Variants in CDKAL1 observed in about 807,000 individuals in gnomAD.
The protein encoded by CDKAL1 is threonylcarbamoyladenosine tRNA methylthiotransferase.
Under a neutral mutation model 68.2 loss-of-function variants are expected in CDKAL1, and 32 were observed. That is an observed-to-expected ratio of 0.47 (90% CI 0.35 to 0.63). CDKAL1 has a LOEUF of 0.63. Ranked by LOEUF, CDKAL1 falls within the 30% of genes least tolerant of loss-of-function variation. The pLI is 0.00. For missense variants in CDKAL1, 606 were observed against 696.7 expected, an observed-to-expected ratio of 0.87 and a Z score of 1.47; for synonymous variants, 234 against 244.3, an observed-to-expected ratio of 0.96 and a Z score of 0.39.
At chr6:20,797,404 A>C (rs139094822) in intron 8 of CDKAL1, among the ~76,000 whole-genome samples, 78 of 152,370 alleles carry the variant, frequency 5.1e-4, no homozygotes, top group African/African-American at 1.9e-3. Context: ...TGGAGATGCT[A>C]AATGGTACAG....
At chr6:20,848,854 A>G (rs929598755) in intron 9 of CDKAL1, among the ~76,000 whole-genome samples, 1 of 148,912 alleles carries the variant, frequency 6.7e-6, no homozygotes, top group Non-Finnish European at 1.5e-5. Context: ...GTGTCATGGT[A>G]CAGTCAGAGC....
chr6:21,036,577 T>C (rs1325786011), intron 11 of CDKAL1, among the ~76,000 whole-genome samples: 2 of 152,198 alleles, frequency 1.3e-5, no homozygotes, highest in Non-Finnish European at 2.9e-5. Flanking sequence ...ACCATCAGCT[T>C]ACATTTTCAC....
chr6:21,057,258 A>T (rs1448340415), intron 11 of CDKAL1, among the ~76,000 whole-genome samples: 1 of 152,004 alleles, frequency 6.6e-6, no homozygotes, highest in African/African-American at 2.4e-5. Flanking sequence ...GGGAGGGTGT[A>T]TGTGTCCAGG....
At chr6:20,839,137 T>C (rs1283377385) in intron 8 of CDKAL1, among the ~76,000 whole-genome samples, 1 of 152,108 alleles carries the variant, frequency 6.6e-6, no homozygotes, top group African/African-American at 2.4e-5. Flanking sequence ...TCTTTAATTC[T>C]AAAGATCAAT....
In CDKAL1 at chr6:20,997,645, A is replaced by G. The variant is rs1767192666; in HGVS notation, c.910-2582A>G. 3.9e-5 allele frequency among the ~76,000 whole-genome samples: 6 copies of G among 152,172 alleles called. No homozygotes were observed. The South Asian group carries it at 1.0e-3, about 26-fold the overall frequency. On this transcript the variant is annotated intron_variant, in intron 10 of 15. Coordinates refer to ENST00000274695, the MANE Select transcript of CDKAL1 (RefSeq NM_017774.3). ...AGGGCAAAGTTTCATCTAGCTCAGT[A>G]TCCTGTTTATAGTAAGAGGCCACCC...
chr6:20,984,145 A>G (rs1393863718), intron 10 of CDKAL1, among the ~76,000 whole-genome samples: 1 of 152,204 alleles, frequency 6.6e-6, no homozygotes, highest in Non-Finnish European at 1.5e-5. Context: ...ACAGATGCAA[A>G]CTGCTATCAT....
chr6:20,603,768 A>ATTTTTTTTTTTTTTTT lies in CDKAL1; in HGVS notation c.287-45514_287-45499dup, dbSNP rs745786047. ...ACATTGATTAATGGGCAGTTGCTAA[A>ATTTTTTTTTTTTTTTT]TTTTTTTTTTTTTTTTTTTTTTTTT... is the stretch of plus-strand genomic sequence containing the variant. On this transcript the variant is annotated intron_variant, in intron 4 of 15. Transcript: ENST00000274695. Among the ~76,000 whole-genome samples, 24 of 85,214 alleles carry ATTTTTTTTTTTTTTTT rather than the reference A, an allele frequency of 2.8e-4. 2 individuals are homozygous for ATTTTTTTTTTTTTTTT. The highest frequency in any genetic ancestry group is 1.1e-3 in the African/African-American group (23 of 21,352). 55.9% of individuals were successfully genotyped at this position (85,214 alleles called of 152,430 possible).
rs533468164 is a variant in CDKAL1 at position 21,126,131 on chromosome 6, CAT to C, written c.1299+17669_1299+17670del. Among the ~76,000 whole-genome samples, 618 of 152,292 alleles carry C rather than the reference CAT, an allele frequency of 4.1e-3. 5 individuals carry two copies. The highest frequency in any genetic ancestry group is 0.014 in the African/African-American group (590 of 41,562). ...CCATGTACCCACAGGAAATTAAAAT[CAT>C]GTGTGGACAGCAGTGTTTCCACAGT... On this transcript the variant is annotated intron_variant, in intron 13 of 15. Coordinates refer to ENST00000274695, the MANE Select transcript of CDKAL1 (RefSeq NM_017774.3).
chr6:20,734,070 A>G (rs895472774), intron 5 of CDKAL1, among the ~76,000 whole-genome samples: 11 of 151,620 alleles, frequency 7.3e-5, no homozygotes, highest in African/African-American at 2.4e-4. Flanking sequence ...AATCAATTGA[A>G]CCTGGGAGAT....
intron 11 of CDKAL1, among the ~76,000 whole-genome samples, chr6:21,047,105 T>A (rs1056072918): frequency 6.6e-6 from 1 of 152,040 alleles, no homozygotes; most frequent in Non-Finnish European, 1.5e-5. Context: ...TTTTTTTTTT[T>A]TAAGAGATGG....
chr6:20,857,753 A>G (rs1280766358), intron 9 of CDKAL1, among the ~76,000 whole-genome samples: 1 of 152,210 alleles, frequency 6.6e-6, no homozygotes, highest in East Asian at 1.9e-4. Flanking sequence ...TGGGGAAGAA[A>G]TGTACCATTT....
intron 12 of CDKAL1, among the ~76,000 whole-genome samples, chr6:21,096,011 GA>G (rs1207161137): frequency 6.6e-6 from 1 of 152,154 alleles, no homozygotes; most frequent in African/African-American, 2.4e-5. Context: ...TGATAGAAAT[GA>G]TTTTTTACAG....
At chr6:20,759,919 A>AT (rs1281545118) in intron 7 of CDKAL1, among the ~76,000 whole-genome samples, 3 of 152,126 alleles carry the variant, frequency 2.0e-5, no homozygotes, top group African/African-American at 7.2e-5. Context: ...AGAAACTTAT[A>AT]TTTTTTAAAA....
chr6:20,845,999 GT>G lies in CDKAL1; in HGVS notation c.639-72del, dbSNP rs1476726781. ...TTTCTGAAAGAGCACTTTTGTGTAT[GT>G]TTTGAGGTATCCCCATGTTAAGTAT... On this transcript the variant is annotated intron_variant, in intron 8 of 15. Coordinates refer to ENST00000274695, the MANE Select transcript of CDKAL1 (RefSeq NM_017774.3). 8 of 865,640 alleles carry G rather than the reference GT, an allele frequency of 9.2e-6. No individual in the cohort carries two copies. In the East Asian group the frequency reaches 1.8e-4, roughly 20 times the overall value. 53.6% of individuals were successfully genotyped at this position (865,640 alleles called of 1,614,324 possible).
At chr6:20,937,177 C>G (rs890349073) in intron 9 of CDKAL1, among the ~76,000 whole-genome samples, 1 of 152,152 alleles carries the variant, frequency 6.6e-6, no homozygotes, top group African/African-American at 2.4e-5. Context: ...CAGCCTTGAC[C>G]TCCCTGGCTC....
At chr6:21,119,726 A>G (rs546543964) in intron 13 of CDKAL1, among the ~76,000 whole-genome samples, 1 of 152,144 alleles carries the variant, frequency 6.6e-6, no homozygotes, top group South Asian at 2.1e-4. Flanking sequence ...ACAATTTCTT[A>G]GGGGTTCTTG....
At chr6:20,576,671 G>C (rs778970708) in intron 4 of CDKAL1, among the ~76,000 whole-genome samples, 3 of 152,142 alleles carry the variant, frequency 2.0e-5, no homozygotes, top group African/African-American at 7.2e-5. Flanking sequence ...GTTTCCCCAT[G>C]TTCCTTGTAG....
chr6:20,909,747 A>T (rs1762384225), intron 9 of CDKAL1, among the ~76,000 whole-genome samples: 1 of 152,158 alleles, frequency 6.6e-6, no homozygotes, highest in Non-Finnish European at 1.5e-5. Flanking sequence ...GAGAATGCAG[A>T]GGCAGAGGGA....
chr6:20,850,684 C>CA (rs1758958944), intron 9 of CDKAL1, among the ~76,000 whole-genome samples: 1 of 152,064 alleles, frequency 6.6e-6, no homozygotes, highest in Non-Finnish European at 1.5e-5. Flanking sequence ...GTGATCTGCC[C>CA]ACCTTTGCCT....
Sources: allele counts gnomAD v4.1 joint callset (sites outside exome capture counted in the v4.1 genomes callset), GRCh38; gene constraint gnomAD v4.1.1; transcripts MANE v1.5; gene names NCBI Gene and HGNC (gene_info 2026-07-23, HGNC 2026-07-21).